Variants in SGCE observed in about 807,000 individuals in gnomAD.
SGCE encodes the protein epsilon-sarcoglycan.
In SGCE, 26 loss-of-function variants were observed where a neutral mutation model predicts 57.8. That is an observed-to-expected ratio of 0.45 (90% CI 0.33 to 0.62). The LOEUF is 0.62. Among genes scored for constraint, SGCE ranks in the 20% least tolerant of loss-of-function variants. The probability of loss-of-function intolerance (pLI) is 0.02; values close to 1 mark genes in which losing one functional copy is unlikely to be tolerated. For missense variants in SGCE, 468 were observed against 548.6 expected (o/e 0.85, Z 1.47); for synonymous variants, 183 against 189.5 (o/e 0.97, Z 0.28).
intron 1 of SGCE, among the ~76,000 whole-genome samples, chr7:94,651,001 A>G (rs1807793445): frequency 6.6e-6 from 1 of 152,240 alleles, no homozygotes; most frequent in African/African-American, 2.4e-5. Context: ...TGGACACAAT[A>G]CTACAGATGT....
chr7:94,619,108 G>C (rs1584639943), intron 4 of SGCE, 152 bp from the exon 5 acceptor site: 2 of 655,644 alleles, frequency 3.1e-6, no homozygotes, highest in East Asian at 5.5e-5. Context: ...CTGTTTAACA[G>C]AGGATGTATC....
intron 5 of SGCE, chr7:94,617,519 T>G (rs1462791614): frequency 6.6e-6 from 1 of 152,228 alleles, no homozygotes; most frequent in Admixed American, 6.5e-5. Flanking sequence ...CCCATTCATC[T>G]CATTCCACGG....
At chr7:94,619,019 A>G in intron 4 of SGCE, 63 bp from the exon 5 acceptor site, 1 of 1,213,986 alleles carries the variant, frequency 8.2e-7, no homozygotes, top group East Asian at 2.3e-5. Context: ...AAGGAAACAA[A>G]AGAACAATTT....
intron 1 of SGCE, among the ~76,000 whole-genome samples, chr7:94,646,533 T>A (rs181174990): frequency 6.6e-6 from 1 of 152,348 alleles, no homozygotes; most frequent in East Asian, 1.9e-4. Flanking sequence ...AACAGTTATA[T>A]GCACCATTAC....
At chr7:94,642,465 A>G (rs981794785) in intron 1 of SGCE, among the ~76,000 whole-genome samples, 6 of 152,188 alleles carry the variant, frequency 3.9e-5, no homozygotes, top group African/African-American at 1.4e-4. Context: ...CCCAAAATAC[A>G]TATTCACATG....
chr7:94,644,578 T>G, intron 1 of SGCE: 2 of 1,135,168 alleles, frequency 1.8e-6, no homozygotes, highest in Non-Finnish European at 2.3e-6. Flanking sequence ...ATATGCCAAA[T>G]GAAATTTAAT....
At chr7:94,594,889 C>T (rs1798174797) in intron 9 of SGCE, among the ~76,000 whole-genome samples, 1 of 152,098 alleles carries the variant, frequency 6.6e-6, no homozygotes. Context: ...AAAAGAAACA[C>T]AGTACAAAAT....
Position 94,604,296 on chromosome 7 carries a change from A to G in SGCE, c.663-844T>C, listed in dbSNP as rs183073914. On this transcript the variant is annotated intron_variant, in intron 5 of 10. Transcript: ENST00000648936. ...TCCTTTTCATAATGACAATGCTAGG[A>G]AAAAAATGACAATGTAAAATGAAGT... Among the ~76,000 whole-genome samples the G allele has an allele frequency of 3.7e-4, 57 of 152,158 alleles. No homozygotes were observed. The East Asian group carries it at 9.9e-3, about 26-fold the overall frequency.
intron 8 of SGCE, 89 bp downstream of exon 8, chr7:94,599,608 A>G: frequency 9.9e-7 from 1 of 1,007,438 alleles, no homozygotes; most frequent in Non-Finnish European, 1.6e-6. Flanking sequence ...ACAAATGAAA[A>G]AAAGCTTGAC....
At chr7:94,615,284 A>T (rs1476655953) in intron 5 of SGCE, among the ~76,000 whole-genome samples, 2 of 152,068 alleles carry the variant, frequency 1.3e-5, no homozygotes, top group African/African-American at 4.8e-5. Flanking sequence ...GCTTGAACCC[A>T]GGAGGCAGAG....
At chr7:94,604,856 TA>T in intron 5 of SGCE, among the ~76,000 whole-genome samples, 1 of 86,286 alleles carries the variant, frequency 1.2e-5, no homozygotes, top group Admixed American at 1.2e-4. Context: ...TATATATATA[TA>T]TAATAGTTGT....
At chr7:94,599,773 A>C (rs771084645) in intron 7 of SGCE, 50 bp from the exon 8 acceptor site, 1 of 1,267,888 alleles carries the variant, frequency 7.9e-7, no homozygotes, top group South Asian at 1.2e-5. Flanking sequence ...TGATATTTGG[A>C]ACATTAAGAC....
intron 3 of SGCE, chr7:94,625,650 G>A (rs2116937647): frequency 6.6e-6 from 1 of 152,172 alleles, no homozygotes; most frequent in African/African-American, 2.4e-5. Flanking sequence ...AACTATTACA[G>A]GTGGTCTTCT....
intron 1 of SGCE, among the ~76,000 whole-genome samples, chr7:94,651,289 A>G (rs1807835609): frequency 1.3e-5 from 2 of 152,360 alleles, no homozygotes; most frequent in South Asian, 4.1e-4. Flanking sequence ...CCTATTTCTA[A>G]CAGCTATCCC....
chr7:94,637,018 C>T (rs913128693), intron 1 of SGCE, among the ~76,000 whole-genome samples: 1 of 149,762 alleles, frequency 6.7e-6, no homozygotes, highest in African/African-American at 2.5e-5. Context: ...GAGATCACAC[C>T]ATTGCACTCC....
In SGCE at chr7:94,656,120, C is replaced by G. The variant is rs745436141; in HGVS notation, c.-22G>C. 7.8e-6 allele frequency: 11 copies of G among 1,401,774 alleles called. No homozygotes were observed. Among genetic ancestry groups the G allele is most frequent in the Admixed American group, 3.4e-5 (2 of 59,490 alleles). 86.8% of individuals were successfully genotyped at this position (1,401,774 alleles called of 1,614,324 possible). ...GCATTCTTGGCCTGGCTAGGCCGTC[C>G]GTCCTCGATTCTCCCCTCCCCTCCC... On this transcript the variant is annotated 5_prime_UTR_variant, in exon 1 of 11. Transcript: ENST00000648936.
rs189630116 is a variant in SGCE, at chr7:94,644,647, A to G, written c.109+11343T>C. 3.0e-5 allele frequency: 38 copies of G among 1,286,566 alleles called. 1 individual carries two copies. In the Admixed American group the frequency reaches 8.5e-4, roughly 29 times the overall value. The allele number at this position is 1,286,566 out of a possible 1,614,324, so 79.7% of individuals were successfully genotyped here. On this transcript the variant is annotated intron_variant, in intron 1 of 10. Coordinates refer to ENST00000648936, the MANE Select transcript of SGCE (RefSeq NM_003919.3). Reference sequence around the variant, plus strand: ...CAAGTCTTTCTCTGTCCACTACTTCATTTGTCTCTTTCATATTCCACTGTA... The same window carrying G: ...CAAGTCTTTCTCTGTCCACTACTTCGTTTGTCTCTTTCATATTCCACTGTA...
rs116158145 is a variant in SGCE at position 94,598,534 on chromosome 7, T to C, written c.1253+241A>G. On this transcript the variant is annotated intron_variant, in intron 9 of 10. Coordinates refer to ENST00000648936, the MANE Select transcript of SGCE (RefSeq NM_003919.3). ...GTTGAGTTTAATATCAGTGTCAATT[T>C]CTTAAATATTAAGGTATATGTAGTC... The C allele has an allele frequency of 6.1e-3, 2,911 of 476,774 alleles. 74 individuals carry two copies. Among genetic ancestry groups the C allele is most frequent in the African/African-American group, 0.052 (2,651 of 51,140 alleles). 29.5% of individuals were successfully genotyped at this position (476,774 alleles called of 1,614,324 possible). A position where few individuals can be genotyped will look rare whatever the true frequency, so the allele number is the denominator to read the frequency against.
chr7:94,643,073 C>T (rs117168520), intron 1 of SGCE, among the ~76,000 whole-genome samples: 7,023 of 152,258 alleles, frequency 0.046, 220 homozygotes, highest in Middle Eastern at 0.075. Flanking sequence ...TCTTTTGTTC[C>T]TTCCTTTATT....
Sources: gnomAD v4.1 joint callset for allele counts (sites outside exome capture counted in the v4.1 genomes callset) on GRCh38, gnomAD v4.1.1 for gene constraint, MANE v1.5 for transcripts, NCBI Gene and HGNC (gene_info 2026-07-23, HGNC 2026-07-21) for gene names.